The following PLAC1 variants were observed in gnomAD, a reference collection of about 807,000 sequenced individuals.
PLAC1 encodes the protein placenta associated 1.
For missense variants in PLAC1, 136 were observed against 163.2 expected (o/e 0.83, Z 0.91); for synonymous variants, 68 against 62.1 (o/e 1.09, Z -0.44).
At chrX:134,611,966 A>T (rs753594301) in intron 1 of PLAC1, among the ~76,000 whole-genome samples, 1 of 110,994 alleles carries the variant, frequency 9.0e-6, no homozygotes, top group Non-Finnish European at 1.9e-5. Flanking sequence ...CCATCACCTC[A>T]CCGTACTTGT....
intron 1 of PLAC1, among the ~76,000 whole-genome samples, chrX:134,611,676 AG>A (rs2078154457): frequency 9.0e-6 from 1 of 110,498 alleles, no homozygotes; most frequent in Middle Eastern, 4.7e-3. Flanking sequence ...AATGAATAAG[AG>A]TTCAATGCGG....
chrX:134,570,485 G>C (rs2077902713), intron 2 of PLAC1, among the ~76,000 whole-genome samples: 1 of 111,363 alleles, frequency 9.0e-6, no homozygotes, highest in Non-Finnish European at 1.9e-5. Flanking sequence ...AAAGAAGGGA[G>C]CACTCATTTT....
chrX:134,616,603 T>C lies in PLAC1; in HGVS notation c.-130-14481A>G, dbSNP rs1290620296. Among the ~76,000 whole-genome samples, 3 of 109,173 alleles carry C rather than the reference T, an allele frequency of 2.7e-5. No homozygotes were observed. In the East Asian group the frequency reaches 9.1e-4, roughly 33 times the overall value. The allele number at this position is 109,173 out of a possible 115,157, so 94.8% of individuals were successfully genotyped here. Reference sequence around the variant, plus strand: ...GTGAGCCGAGATTGCGCCACTGCACTCCAGCCTGGGCGACAGAGCAAGACT... The same window carrying C: ...GTGAGCCGAGATTGCGCCACTGCACCCCAGCCTGGGCGACAGAGCAAGACT... On this transcript the variant is annotated intron_variant, in intron 1 of 2. Coordinates refer to ENST00000359237, the MANE Select transcript of PLAC1 (RefSeq NM_021796.4).
At chrX:134,748,889 T>C (rs1206452145) in intron 1 of PLAC1, among the ~76,000 whole-genome samples, 1 of 112,338 alleles carries the variant, frequency 8.9e-6, no homozygotes, top group Non-Finnish European at 1.9e-5. Context: ...TACTGGCCAC[T>C]GGAACATATT....
At chrX:134,579,126 G>T (rs1397347088) in intron 2 of PLAC1, among the ~76,000 whole-genome samples, 1 of 110,105 alleles carries the variant, frequency 9.1e-6, no homozygotes, top group Non-Finnish European at 1.9e-5. Context: ...CTTTAATTTG[G>T]ATATCTTTTG....
intron 1 of PLAC1, among the ~76,000 whole-genome samples, chrX:134,618,659 G>GC (rs1228372791): frequency 9.0e-6 from 1 of 111,536 alleles, no homozygotes; most frequent in Non-Finnish European, 1.9e-5. Context: ...CCAGCGATCT[G>GC]CCCACCTCAG....
At chrX:134,613,977 C>T (rs1052467337) in intron 1 of PLAC1, among the ~76,000 whole-genome samples, 7 of 110,227 alleles carry the variant, frequency 6.4e-5, no homozygotes, top group Non-Finnish European at 1.3e-4. Flanking sequence ...CCCAAAGCGA[C>T]CCCCCGGCTG....
In PLAC1 at chrX:134,648,565, A is replaced by T. The variant is rs756550638; in HGVS notation, c.-131+9763T>A. On this transcript the variant is annotated intron_variant, in intron 1 of 2. Transcript: ENST00000359237. ...GCCTAGCATGGTGGCACATGTCTGTAGTCCCAGCTACTCAGGAGGCTGAGG... is the reference window on the plus strand; with the variant it reads ...GCCTAGCATGGTGGCACATGTCTGTTGTCCCAGCTACTCAGGAGGCTGAGG... 5.4e-5 allele frequency among the ~76,000 whole-genome samples: 6 copies of T among 111,612 alleles called. No homozygotes were observed. The Admixed American group carries it at 5.7e-4, about 11-fold the overall frequency.
intron 2 of PLAC1, among the ~76,000 whole-genome samples, chrX:134,585,812 C>T (rs1014497070): frequency 7.2e-5 from 8 of 111,090 alleles, no homozygotes; most frequent in African/African-American, 2.3e-4. Context: ...TTCTCCCTCT[C>T]GGTATAGGTT....
At chrX:134,708,702 C>A (rs1265835209) in intron 2 of PLAC1, among the ~76,000 whole-genome samples, 1 of 110,105 alleles carries the variant, frequency 9.1e-6, no homozygotes. Context: ...CCACGCCTGA[C>A]TAATTTTGTA....
chrX:134,723,897 A>G (rs1304022375), intron 2 of PLAC1, among the ~76,000 whole-genome samples: 1 of 111,197 alleles, frequency 9.0e-6, no homozygotes, highest in Non-Finnish European at 1.9e-5. Flanking sequence ...AAGGGGACAC[A>G]GTTATTAAAA....
rs776702454 is a variant in PLAC1, at chrX:134,658,449, C to T, written c.-252G>A. The T allele has an allele frequency of 8.9e-6, 1 of 112,524 alleles. No individual in the cohort carries two copies. The highest frequency in any genetic ancestry group is 3.2e-5 in the African/African-American group (1 of 30,939). The allele number at this position is 112,524 out of a possible 1,213,427, so 9.3% of individuals were successfully genotyped here. ...GGCCTTTACCTTCATAGGAGAGTCACTCTTTATACAAATCCTTCTGATGGT... is the reference window on the plus strand; with the variant it reads ...GGCCTTTACCTTCATAGGAGAGTCATTCTTTATACAAATCCTTCTGATGGT... On this transcript the variant is annotated 5_prime_UTR_variant, in exon 1 of 3. In the 5' UTR this introduces an upstream ATG that the reference lacks. Transcript: ENST00000359237.
intron 2 of PLAC1, among the ~76,000 whole-genome samples, chrX:134,581,510 A>C: frequency 2.8e-5 from 2 of 71,912 alleles, no homozygotes; most frequent in African/African-American, 1.1e-4. Flanking sequence ...TTGGAGTCTC[A>C]CTCTGTCACC....
chrX:134,607,189 C>T (rs974513575), intron 1 of PLAC1: 10 of 138,049 alleles, frequency 7.2e-5, no homozygotes, highest in Non-Finnish European at 1.5e-5. Context: ...GCACCCAATA[C>T]GTGTTCTCTA....
chrX:134,728,835 A>G (rs767719937), intron 2 of PLAC1, among the ~76,000 whole-genome samples: 1 of 112,290 alleles, frequency 8.9e-6, no homozygotes, highest in Non-Finnish European at 1.9e-5. Context: ...GTTGATGGGC[A>G]CACAATGTAT....
chrX:134,574,918 C>T (rs778165411), intron 2 of PLAC1, among the ~76,000 whole-genome samples: 2 of 111,530 alleles, frequency 1.8e-5, no homozygotes, highest in South Asian at 7.6e-4. Context: ...CCAAGGATTC[C>T]CTTAGCTAGA....
chrX:134,591,262 T>C (rs7889332), intron 2 of PLAC1, among the ~76,000 whole-genome samples: 10,780 of 112,023 alleles, frequency 0.096, 1,306 homozygotes, highest in African/African-American at 0.33. Flanking sequence ...TGTGTGAATA[T>C]GTGTGTCTTG....
chrX:134,637,097 G>A (rs2078286934), intron 1 of PLAC1, among the ~76,000 whole-genome samples: 1 of 112,476 alleles, frequency 8.9e-6, no homozygotes, highest in Admixed American at 9.4e-5. Context: ...TAGGCAACAA[G>A]AAGCAGGCCC....
In PLAC1 at chrX:134,617,208, C is replaced by T. The variant is rs1602842848; in HGVS notation, c.-130-15086G>A. Among the ~76,000 whole-genome samples, 6 of 111,130 alleles carry T rather than the reference C, an allele frequency of 5.4e-5. No individual in the cohort carries two copies. The South Asian group carries it at 1.5e-3, about 29-fold the overall frequency. ...TTCGTCATGTTGGCCAGGCTGGTCT[C>T]GAACTCCTGAACTCAAGTGATCTGC... On this transcript the variant is annotated intron_variant, in intron 1 of 2. Coordinates refer to ENST00000359237, the MANE Select transcript of PLAC1 (RefSeq NM_021796.4).
Sources: allele counts gnomAD v4.1 joint callset (sites outside exome capture counted in the v4.1 genomes callset), GRCh38; gene constraint gnomAD v4.1.1; transcripts MANE v1.5; gene names NCBI Gene and HGNC (gene_info 2026-07-23, HGNC 2026-07-21).